OSR1: variants seen among roughly 807,000 people sequenced by gnomAD.
OSR1 encodes the protein odd-skipped related transcription factor 1, also known as protein odd-skipped-related 1.
A neutral mutation model predicts 15.7 loss-of-function variants in OSR1; 3 were observed. That is an observed-to-expected ratio of 0.19 (90% CI 0.09 to 0.50). OSR1 has a LOEUF of 0.50. Ranked by LOEUF, OSR1 falls within the 20% of genes least tolerant of loss-of-function variation. The probability of loss-of-function intolerance (pLI) is 0.97; values close to 1 mark genes in which losing one functional copy is unlikely to be tolerated. For synonymous variants in OSR1, 166 were observed against 152.7 expected (o/e 1.09, Z -0.64); for missense variants, 271 against 351.1 (o/e 0.77, Z 1.82).
chr2:19,355,318 T>A (rs1664926816), intron 1 of OSR1: 1 of 152,608 alleles, frequency 6.6e-6, no homozygotes, highest in Non-Finnish European at 1.5e-5. Flanking sequence ...CATGGAGCAA[T>A]TCCCCTTCCC....
chr2:19,345,721 T>C, the OSR1 span, among the ~76,000 whole-genome samples: 1 of 152,188 alleles, frequency 6.6e-6, no homozygotes, highest in East Asian at 1.9e-4. Flanking sequence ...ATGGAGACTA[T>C]TCCTTTTGGC....
At position 19,353,673 on chromosome 2, in the gene OSR1, T is replaced by C; in HGVS notation, c.133A>G (p.Ser45Gly). The C allele has an allele frequency of 1.2e-6, 2 of 1,614,252 alleles. No individual in the cohort carries two copies. Residue 45 changes from serine (S) to glycine (G), a missense_variant, in exon 2 of 3, where the codon AGC becomes GGC. By Grantham distance (56) the Ser-to-Gly change is moderately conservative. Coordinates refer to ENST00000272223, the MANE Select transcript of OSR1 (RefSeq NM_145260.3). ...SDHLPNLYGF[S>G]ALHAVHLHQW... ...TGCAGGTGCACAGCGTGCAACGCGC[T>C]GAAACCATACAGGTTGGGCAGATGG...
intron 1 of OSR1, 188 bp from the exon 2 acceptor site, chr2:19,354,025 G>T (rs1230680147): frequency 3.5e-6 from 2 of 578,954 alleles, no homozygotes; most frequent in African/African-American, 1.9e-5. Context: ...ACGCAGGGGA[G>T]CCCTCTTTTC....
chr2:19,347,212 G>A (rs1664748436), downstream of OSR1, among the ~76,000 whole-genome samples: 1 of 152,134 alleles, frequency 6.6e-6, no homozygotes, highest in Admixed American at 6.5e-5. Flanking sequence ...GCATTTCTAA[G>A]CATCATCATC....
chr2:19,350,639 G>T (rs962627559), downstream of OSR1, among the ~76,000 whole-genome samples: 8 of 152,288 alleles, frequency 5.3e-5, no homozygotes, highest in African/African-American at 1.7e-4. Flanking sequence ...GCGGTCCCGC[G>T]GTCAGGGCGC....
downstream of OSR1, among the ~76,000 whole-genome samples, chr2:19,348,796 C>G (rs1230664007): frequency 6.6e-6 from 1 of 152,208 alleles, no homozygotes; most frequent in Non-Finnish European, 1.5e-5. Context: ...CCTGGAAGCA[C>G]CTGATATCTT....
At chr2:19,350,714 T>C (rs1362402484), downstream of OSR1, among the ~76,000 whole-genome samples, 1 of 151,870 alleles carries the variant, frequency 6.6e-6, no homozygotes, top group African/African-American at 2.4e-5. Flanking sequence ...CTTCTAACTG[T>C]GGGAAAACTA....
chr2:19,356,114 T>C (rs1664943740), intron 1 of OSR1: 1 of 152,378 alleles, frequency 6.6e-6, no homozygotes, highest in South Asian at 2.1e-4. Flanking sequence ...CCAGCGGCCG[T>C]GGCTGTGGGA....
chr2:19,347,063 G>T (rs937673882), downstream of OSR1, among the ~76,000 whole-genome samples: 1 of 152,270 alleles, frequency 6.6e-6, no homozygotes, highest in South Asian at 2.1e-4. Flanking sequence ...TTTGCCGGGG[G>T]TTTCAAGAAG....
downstream of OSR1, among the ~76,000 whole-genome samples, chr2:19,347,249 T>C (rs927715763): frequency 6.6e-6 from 1 of 152,226 alleles, no homozygotes. Flanking sequence ...CCTTCATACA[T>C]GCCAAAGTTG....
downstream of OSR1, among the ~76,000 whole-genome samples, chr2:19,347,869 C>T (rs972441614): frequency 4.6e-5 from 7 of 152,252 alleles, no homozygotes; most frequent in Non-Finnish European, 7.3e-5. Flanking sequence ...CCCACTTTCT[C>T]GTCTGCATTT....
At chr2:19,349,947 G>A (rs926909667), downstream of OSR1, among the ~76,000 whole-genome samples, 1 of 152,192 alleles carries the variant, frequency 6.6e-6, no homozygotes, top group Non-Finnish European at 1.5e-5. Context: ...CAACCTGCGT[G>A]CGCCGCTTGG....
At chr2:19,349,386 C>G (rs115074655), downstream of OSR1, among the ~76,000 whole-genome samples, 1 of 152,172 alleles carries the variant, frequency 6.6e-6, no homozygotes, top group Non-Finnish European at 1.5e-5. Context: ...GGGATAACAG[C>G]AAACATCAGT....
intron 1 of OSR1, chr2:19,354,500 C>T (rs1664911481): frequency 6.6e-6 from 1 of 152,242 alleles, no homozygotes; most frequent in Non-Finnish European, 1.5e-5. Context: ...CACCTCCTGG[C>T]TCCCATTCAT....
At chr2:19,353,020 A>G in intron 2 of OSR1, 121 bp downstream of exon 2, 1 of 1,254,914 alleles carries the variant, frequency 8.0e-7, no homozygotes, top group Non-Finnish European at 1.1e-6. Flanking sequence ...CTTGATTTTA[A>G]AGAATTCCCT....
chr2:19,352,365 C>T lies in OSR1; in HGVS notation c.711G>A (p.Gly237=), dbSNP rs755939815. ...KEKPFKCQEC[G]KGFCQSRTLA... is the part of the protein sequence containing the mutation. ...GAGTCCTGGACTGGCAGAATCCTTT[C>T]CCACACTCTTGACACTTGAAGGGCT... Residue 237 remains glycine, a synonymous_variant, in exon 3 of 3, where the codon GGG becomes GGA. Transcript: ENST00000272223. The T allele has an allele frequency of 1.2e-6, 2 of 1,614,162 alleles. No homozygotes were observed. Among genetic ancestry groups the T allele is most frequent in the Non-Finnish European group, 1.7e-6 (2 of 1,179,980 alleles).
In OSR1 at chr2:19,357,036, C is replaced by G. The variant is rs1437103384; in HGVS notation, c.-33+1305G>C. ...GAGTGGTGACAGGCGTCCGGACCCCCGTGAAGAGGACTGACCGGCACCGGA... is the reference window on the plus strand; with the variant it reads ...GAGTGGTGACAGGCGTCCGGACCCCGGTGAAGAGGACTGACCGGCACCGGA... On this transcript the variant is annotated intron_variant, in intron 1 of 2. Transcript: ENST00000272223. The surrounding 1 kb of genome is among the most constrained non-coding windows in gnomAD (Gnocchi z 5.0). 4.6e-5 allele frequency: 7 copies of G among 152,186 alleles called. No homozygotes were observed. The East Asian group carries it at 5.8e-4, about 13-fold the overall frequency. 9.4% of individuals were successfully genotyped at this position (152,186 alleles called of 1,614,324 possible).
chr2:19,345,462 T>C, the OSR1 span, among the ~76,000 whole-genome samples: 1,756 of 152,172 alleles, frequency 0.012, 27 homozygotes, highest in Non-Finnish European at 0.012. Context: ...CTTTAATCCA[T>C]CTTGAATTAA....
At chr2:19,358,017 A>G (rs1664984904) in intron 1 of OSR1, 1 of 152,234 alleles carries the variant, frequency 6.6e-6, no homozygotes. Context: ...CTGGTTTCTT[A>G]AAGGGGGCCC....
Sources: gnomAD v4.1 joint callset for allele counts (sites outside exome capture counted in the v4.1 genomes callset) on GRCh38, gnomAD v4.1.1 for gene constraint, Gnocchi (gnomAD v3.1) non-coding constraint, MANE v1.5 for transcripts, NCBI Gene and HGNC (gene_info 2026-07-23, HGNC 2026-07-21) for gene names.